PLXDC1: variants seen among roughly 807,000 people sequenced by gnomAD.
PLXDC1 encodes plexin domain containing 1, also known as plexin domain-containing protein 1.
A neutral mutation model predicts 61.3 loss-of-function variants in PLXDC1; 39 were observed. The observed-to-expected ratio is 0.64, with a 90% CI of 0.49 to 0.83. The LOEUF (loss-of-function observed/expected upper bound fraction) is 0.83, where lower values mean the gene tolerates loss of function less well. PLXDC1 is among the 40% of genes least tolerant of loss of function. PLXDC1 has a pLI of 0.00. For missense variants in PLXDC1, 596 were observed against 666.5 expected (o/e 0.89, Z 1.17); for synonymous variants, 212 against 254.5 (o/e 0.83, Z 1.59).
At chr17:39,095,863 C>A (rs1910174559) in intron 7 of PLXDC1, among the ~76,000 whole-genome samples, 1 of 152,142 alleles carries the variant, frequency 6.6e-6, no homozygotes, top group African/African-American at 2.4e-5. Context: ...TGGGGTTTCA[C>A]CATCTTGGCC....
rs772451788 is a variant in PLXDC1, at chr17:39,067,969, GCA to G, written c.1384-12_1384-11del. The G allele has an allele frequency of 6.2e-7, 1 of 1,612,920 alleles. No homozygotes were observed. The highest frequency in any genetic ancestry group is 1.1e-5 in the South Asian group (1 of 91,006). On this transcript the variant is annotated splice_polypyrimidine_tract_variant and intron_variant, in intron 13 of 13. Coordinates refer to ENST00000315392, the MANE Select transcript of PLXDC1 (RefSeq NM_020405.5). ...AGTGGTGAGGTCTACGCTGCAGAAGGCACAGAGGCAAAGTCAGTGGGCATGCC... is the reference window on the plus strand; with the variant it reads ...AGTGGTGAGGTCTACGCTGCAGAAGGCAGAGGCAAAGTCAGTGGGCATGCC...
intron 7 of PLXDC1, among the ~76,000 whole-genome samples, chr17:39,103,593 C>T (rs1910497688): frequency 6.6e-6 from 1 of 151,898 alleles, no homozygotes; most frequent in Non-Finnish European, 1.5e-5. Flanking sequence ...CTCCTGTAAT[C>T]CCAGCACTTT....
At chr17:39,108,324 G>C (rs1910669617) in intron 4 of PLXDC1, 79 bp from the exon 5 acceptor site, 2 of 1,465,158 alleles carry the variant, frequency 1.4e-6, no homozygotes, top group Admixed American at 3.4e-5. Flanking sequence ...CCAAGGGCAA[G>C]AAGGGCAGCG....
At chr17:39,120,273 T>G (rs1911117930) in intron 2 of PLXDC1, among the ~76,000 whole-genome samples, 1 of 152,088 alleles carries the variant, frequency 6.6e-6, no homozygotes, top group Non-Finnish European at 1.5e-5. Flanking sequence ...TGCCTCAGCC[T>G]CCCAAGTAGC....
At chr17:39,094,788 C>G (rs184238332) in intron 7 of PLXDC1, among the ~76,000 whole-genome samples, 1 of 152,322 alleles carries the variant, frequency 6.6e-6, no homozygotes, top group East Asian at 1.9e-4. Flanking sequence ...CCCTCCCTCC[C>G]CAGCCCACCA....
chr17:39,122,111 A>AAGGC (rs1491196046), intron 2 of PLXDC1, among the ~76,000 whole-genome samples: 7 of 40,312 alleles, frequency 1.7e-4, no homozygotes, highest in East Asian at 1.5e-3. Flanking sequence ...AAAAAAAAAA[A>AAGGC]GGGGGGGGGG....
intron 5 of PLXDC1, chr17:39,107,809 AT>A (rs1910651612): frequency 1.8e-6 from 1 of 565,824 alleles, no homozygotes; most frequent in South Asian, 2.1e-5. Context: ...AGAAGGAGGA[AT>A]GTCTGTTCTC....
intron 7 of PLXDC1, among the ~76,000 whole-genome samples, chr17:39,095,370 C>CCA: frequency 1.0e-4 from 1 of 9,600 alleles, no homozygotes; most frequent in Non-Finnish European, 3.3e-4. Flanking sequence ...ACGCCCCGCC[C>CCA]CCCCCCCCCA....
At chr17:39,112,128 A>G (rs547094620) in intron 2 of PLXDC1, 14 of 152,266 alleles carry the variant, frequency 9.2e-5, no homozygotes, top group Non-Finnish European at 1.8e-4. Context: ...CACTCTGTGC[A>G]GAGAGATCTG....
intron 2 of PLXDC1, among the ~76,000 whole-genome samples, chr17:39,125,709 A>T (rs1442343334): frequency 6.6e-6 from 1 of 152,164 alleles, no homozygotes; most frequent in Non-Finnish European, 1.5e-5. Context: ...GTCACATTTC[A>T]TGATATCAAA....
Position 39,089,925 on chromosome 17 carries a change from G to A in PLXDC1, c.812-2223C>T, listed in dbSNP as rs561009979. On this transcript the variant is annotated intron_variant, in intron 7 of 13. Coordinates refer to ENST00000315392, the MANE Select transcript of PLXDC1 (RefSeq NM_020405.5). Reference sequence around the variant, plus strand: ...CAATTCTCCTGCCTCAGCCTCCCGAGTAGCTGGGATTACAGGTGCCCACCA... The same window carrying A: ...CAATTCTCCTGCCTCAGCCTCCCGAATAGCTGGGATTACAGGTGCCCACCA... Among the ~76,000 whole-genome samples, 6 of 152,200 alleles carry A rather than the reference G, an allele frequency of 3.9e-5. No individual in the cohort carries two copies. In the East Asian group the frequency reaches 1.2e-3, roughly 29 times the overall value.
At chr17:39,122,591 T>A (rs1419177925) in intron 2 of PLXDC1, among the ~76,000 whole-genome samples, 1 of 152,116 alleles carries the variant, frequency 6.6e-6, no homozygotes, top group African/African-American at 2.4e-5. Flanking sequence ...CATATTGATG[T>A]GCCTCTTAAA....
intron 11 of PLXDC1, among the ~76,000 whole-genome samples, chr17:39,075,024 A>G (rs919289321): frequency 3.3e-5 from 5 of 151,904 alleles, no homozygotes; most frequent in African/African-American, 4.8e-5. Context: ...CAGTGGTGCA[A>G]TCATAGCTCA....
At position 39,127,827 on chromosome 17, in the gene PLXDC1, G is replaced by A. The variant is rs542243562; in HGVS notation, c.255+11827C>T. 2.0e-4 allele frequency among the ~76,000 whole-genome samples: 30 copies of A among 150,648 alleles called. No homozygotes were observed. In the South Asian group the frequency reaches 2.9e-3, roughly 15 times the overall value. Reference sequence around the variant, plus strand: ...AAAATTAGCCGGGCATGATGGTGGCGGGCGCCTGTAGTCCCAGCTACTCGG... The same window carrying A: ...AAAATTAGCCGGGCATGATGGTGGCAGGCGCCTGTAGTCCCAGCTACTCGG... On this transcript the variant is annotated intron_variant, in intron 2 of 13. Transcript: ENST00000315392.
At chr17:39,080,335 C>G (rs925314434) in intron 9 of PLXDC1, 1 of 152,078 alleles carries the variant, frequency 6.6e-6, no homozygotes, top group Admixed American at 6.6e-5. Flanking sequence ...AAAGATTGAG[C>G]CTTTGGTATG....
At chr17:39,107,219 C>A (rs1190765840) in intron 6 of PLXDC1, among the ~76,000 whole-genome samples, 188 bp downstream of exon 6, 1 of 152,194 alleles carries the variant, frequency 6.6e-6, no homozygotes, top group Non-Finnish European at 1.5e-5. Flanking sequence ...CTACATTTGT[C>A]CCTGTAATTA....
At chr17:39,078,664 A>G (rs11651481) in intron 10 of PLXDC1, among the ~76,000 whole-genome samples, 11,157 of 152,172 alleles carry the variant, frequency 0.073, 445 homozygotes, top group Middle Eastern at 0.1. Flanking sequence ...AGGAACCTGG[A>G]TGGGATTCTA....
intron 7 of PLXDC1, among the ~76,000 whole-genome samples, chr17:39,098,158 T>G (rs1346678982): frequency 6.9e-6 from 1 of 143,910 alleles, no homozygotes; most frequent in Non-Finnish European, 1.5e-5. Context: ...TGAGCCGAGA[T>G]TGCGCCATTG....
Position 39,151,376 on chromosome 17 carries a change from G to A in PLXDC1, c.62C>T (p.Pro21Leu). ...VLREAARALS[P>L]QPGAGHDEGP... The stretch of plus-strand genomic sequence containing the variant: ...GCCAGTCCTACCTGCTCCGGGCTGG[G>A]GGCTCAGCGCCCGGGCAGCCTCCCT... The change falls in exon 1 of 14, where the codon CCC (proline) becomes CTC (leucine). Residue 21 changes from proline to leucine, a missense_variant. Transcript: ENST00000315392. The surrounding 1 kb of genome is among the most constrained non-coding windows in gnomAD (Gnocchi z 5.2). 1.5e-6 allele frequency: 2 copies of A among 1,290,810 alleles called. No homozygotes were observed. Among genetic ancestry groups the A allele is most frequent in the Non-Finnish European group, 2.0e-6 (2 of 1,018,682 alleles). The allele number at this position is 1,290,810 out of a possible 1,614,324, so 80.0% of individuals were successfully genotyped here.
Sources: allele counts gnomAD v4.1 joint callset (sites outside exome capture counted in the v4.1 genomes callset), GRCh38; gene constraint gnomAD v4.1.1; non-coding constraint Gnocchi (gnomAD v3.1); transcripts MANE v1.5; gene names NCBI Gene and HGNC (gene_info 2026-07-23, HGNC 2026-07-21).